ZNF208: variants seen among roughly 807,000 people sequenced by gnomAD.
ZNF208 encodes the protein zinc finger protein 208.
A neutral mutation model predicts 12.1 loss-of-function variants in ZNF208; 10 were observed. The ratio of observed to expected loss-of-function variants is 0.83; its 90% confidence interval spans 0.51 to 1.40. The LOEUF is 1.40. ZNF208 is among the 40% of genes most tolerant of loss of function. The pLI is 0.00. For synonymous variants in ZNF208, 497 were observed against 488.4 expected (o/e 1.02, Z -0.23); for missense variants, 1,652 against 1,485.0 (o/e 1.11, Z -1.85).
Position 21,970,871 on chromosome 19 carries a change from A to C in ZNF208, c.*320T>G. The C allele has an allele frequency of 2.6e-6, 4 of 1,515,482 alleles. No homozygotes were observed. Among genetic ancestry groups the C allele is most frequent in the Non-Finnish European group, 2.7e-6 (3 of 1,092,738 alleles). The allele number at this position is 1,515,482 out of a possible 1,614,324, so 93.9% of individuals were successfully genotyped here. ...CTTCACATTTGTAGGGTTTCTCTCC[A>C]GTATGAATTTTCTATGATAACTGAG... On this transcript the variant is annotated 3_prime_UTR_variant, in exon 4 of 4. Transcript: ENST00000397126.
intron 4 of ZNF208, among the ~76,000 whole-genome samples, chr19:21,950,066 T>C (rs2666447): frequency 6.6e-6 from 1 of 152,102 alleles, no homozygotes; most frequent in African/African-American, 2.4e-5. Flanking sequence ...TGGTAAAAGA[T>C]ATAAGAAGAA....
At chr19:21,998,089 TTA>T (rs1970872852) in intron 1 of ZNF208, 1 of 151,314 alleles carries the variant, frequency 6.6e-6, no homozygotes, top group Non-Finnish European at 1.5e-5. Flanking sequence ...AACATGAGCA[TTA>T]TTGAATAAAG....
At position 21,957,393 on chromosome 19, in the gene ZNF208, C is replaced by T. The variant is rs556294730; in HGVS notation, c.305+17336G>A. ...CAACAGAAAAACGCTAGTTCTTTTA[C>T]CAAGGCTCTAATTGGGAGGGTTTGT... On this transcript the variant is annotated intron_variant, in intron 4 of 4. Transcript: ENST00000599916. Among the ~76,000 whole-genome samples the T allele has an allele frequency of 3.3e-5, 5 of 152,272 alleles. No individual in the cohort carries two copies. In the South Asian group the frequency reaches 1.0e-3, roughly 32 times the overall value.
In ZNF208 at chr19:21,981,502, T is replaced by C. The variant is rs527639177; in HGVS notation, c.226+5714A>G. Among the ~76,000 whole-genome samples the C allele has an allele frequency of 3.6e-4, 55 of 152,216 alleles. No individual in the cohort carries two copies. In the South Asian group the frequency reaches 3.9e-3, roughly 11 times the overall value. ...GATGCATAAAAGGCCTTCAACAAAA[T>C]TGAACAGCCTTCATGCTAAAAACTT... On this transcript the variant is annotated intron_variant, in intron 3 of 3. Transcript: ENST00000397126.
intron 1 of ZNF208, among the ~76,000 whole-genome samples, chr19:21,994,641 T>C (rs1038792801): frequency 3.3e-5 from 5 of 152,052 alleles, no homozygotes; most frequent in African/African-American, 1.2e-4. Flanking sequence ...TTATATTACA[T>C]ACTAATAAGC....
At chr19:21,957,577 G>C (rs1222744636) in intron 4 of ZNF208, among the ~76,000 whole-genome samples, 1 of 152,088 alleles carries the variant, frequency 6.6e-6, no homozygotes, top group Non-Finnish European at 1.5e-5. Flanking sequence ...TATGCTCTTG[G>C]AACCTCAAAA....
At position 21,972,628 on chromosome 19, in the gene ZNF208, C is replaced by T. The variant is rs371865187; in HGVS notation, c.2406G>A (p.Glu802=). The T allele has an allele frequency of 5.7e-5, 92 of 1,613,292 alleles. No individual in the cohort carries two copies. In the African/African-American group the frequency reaches 6.8e-4, roughly 12 times the overall value. The stretch of plus-strand genomic sequence containing the variant: ...CACATTCTTCACATTTGTAGGGTTT[C>T]TCATCAGTATGAATTCTCTTATGTT... ...LIKHKRIHTD[E]KPYKCEECGK... The change falls in exon 4 of 4, where the codon GAG becomes GAA. Residue 802 remains glutamate (E), a synonymous_variant. Transcript: ENST00000397126.
At chr19:21,962,524 T>C (rs1486254598), downstream of ZNF208, among the ~76,000 whole-genome samples, 3 of 152,162 alleles carry the variant, frequency 2.0e-5, no homozygotes, top group Non-Finnish European at 4.4e-5. Context: ...GAATTTTTCA[T>C]GATCTTTCAG....
chr19:21,982,878 G>A (rs1199401872), intron 3 of ZNF208, among the ~76,000 whole-genome samples: 1 of 152,178 alleles, frequency 6.6e-6, no homozygotes, highest in Non-Finnish European at 1.5e-5. Context: ...ATGGATTGAA[G>A]ATTTAAATGT....
Position 21,972,630 on chromosome 19 carries a change from C to T in ZNF208, c.2404G>A (p.Glu802Lys), listed in dbSNP as rs1970322198. Residue 802 changes from glutamate (E) to lysine (K), a missense_variant, in exon 4 of 4, where the codon GAG (glutamate) becomes AAG (lysine). Glu to Lys is a moderately conservative substitution (Grantham distance 56, BLOSUM62 1). Around this residue, in one of 3 missense-constraint regions of ZNF208, gnomAD observed 1,239 missense variants for 1,086.2 expected, o/e 1.14. Coordinates refer to ENST00000397126, the MANE Select transcript of ZNF208 (RefSeq NM_007153.3). ...LIKHKRIHTD[E>K]KPYKCEECGK... ...CATTCTTCACATTTGTAGGGTTTCTCATCAGTATGAATTCTCTTATGTTTA... is the reference window on the plus strand; with the variant it reads ...CATTCTTCACATTTGTAGGGTTTCTTATCAGTATGAATTCTCTTATGTTTA... 1 of 1,613,232 alleles carries T rather than the reference C, an allele frequency of 6.2e-7. No homozygotes were observed. The highest frequency in any genetic ancestry group is 8.5e-7 in the Non-Finnish European group (1 of 1,179,842).
intron 1 of ZNF208, among the ~76,000 whole-genome samples, chr19:22,000,388 A>T (rs1424253290): frequency 6.6e-6 from 1 of 152,208 alleles, no homozygotes; most frequent in Non-Finnish European, 1.5e-5. Flanking sequence ...GAAAAAAATG[A>T]TTCAATACCA....
At chr19:21,941,901 A>T (rs183501596) in intron 4 of ZNF208, among the ~76,000 whole-genome samples, 22 of 149,288 alleles carry the variant, frequency 1.5e-4, no homozygotes, top group Non-Finnish European at 2.5e-4. Flanking sequence ...AAGACAACGT[A>T]AAAAAAAAAC....
chr19:21,945,073 A>G (rs947522861), intron 4 of ZNF208, among the ~76,000 whole-genome samples: 1 of 152,232 alleles, frequency 6.6e-6, no homozygotes, highest in Non-Finnish European at 1.5e-5. Flanking sequence ...GTGGAGATTT[A>G]AGATGCTAGT....
At chr19:21,962,323 T>A (rs1381889869), downstream of ZNF208, among the ~76,000 whole-genome samples, 1 of 152,136 alleles carries the variant, frequency 6.6e-6, no homozygotes, top group Admixed American at 6.6e-5. Context: ...AAAGGGCTGA[T>A]GAAAAATGTC....
intron 4 of ZNF208, among the ~76,000 whole-genome samples, chr19:21,956,211 G>A (rs1399292614): frequency 6.6e-6 from 1 of 152,172 alleles, no homozygotes; most frequent in African/African-American, 2.4e-5. Context: ...TCATCTCAGA[G>A]GGGCACCCGG....
chr19:21,977,931 C>T (rs1240972494), intron 3 of ZNF208, among the ~76,000 whole-genome samples: 1 of 152,154 alleles, frequency 6.6e-6, no homozygotes, highest in Admixed American at 6.6e-5. Context: ...CTTGAGTAGG[C>T]AGCTTTACCC....
At chr19:21,975,816 C>A (rs1398918317) in intron 3 of ZNF208, among the ~76,000 whole-genome samples, 2 of 28,950 alleles carry the variant, frequency 6.9e-5, no homozygotes, top group African/African-American at 1.6e-4. Flanking sequence ...GTGATATAGT[C>A]AAAGTCCAAA....
In ZNF208 at chr19:21,967,900, TTG is replaced by T. The variant is rs757131903; in HGVS notation, c.*3289_*3290del. 2.0e-5 allele frequency: 3 copies of T among 152,202 alleles called. No individual in the cohort carries two copies. Among genetic ancestry groups the T allele is most frequent in the African/African-American group, 7.2e-5 (3 of 41,474 alleles). The allele number at this position is 152,202 out of a possible 1,614,324, so 9.4% of individuals were successfully genotyped here. On this transcript the variant is annotated 3_prime_UTR_variant, in exon 4 of 4. Coordinates refer to ENST00000397126, the MANE Select transcript of ZNF208 (RefSeq NM_007153.3). ...AGCAATATTTTTCCATTTATTTGCA[TTG>T]TCTCTCGTTTCTTTCAGCAATGTTT...
chr19:21,981,430 C>A (rs1326608344), intron 3 of ZNF208, among the ~76,000 whole-genome samples: 3 of 151,908 alleles, frequency 2.0e-5, no homozygotes, highest in African/African-American at 4.8e-5. Flanking sequence ...AACATAATCG[C>A]TCACATAAAC....
Sources: allele counts gnomAD v4.1 joint callset (sites outside exome capture counted in the v4.1 genomes callset), GRCh38; gene constraint gnomAD v4.1.1; regional missense constraint gnomAD v4.1.1; transcripts MANE v1.5; gene names NCBI Gene and HGNC (gene_info 2026-07-23, HGNC 2026-07-21).